Variants in ARSK observed in about 807,000 individuals in gnomAD.
ARSK encodes arylsulfatase K.
In ARSK, 37 loss-of-function variants were observed where a neutral mutation model predicts 53.2. The observed-to-expected ratio is 0.70, with a 90% confidence interval of 0.54 to 0.92. ARSK has a LOEUF of 0.92. Among genes scored for constraint, ARSK ranks in the 40% least tolerant of loss-of-function variants. The pLI, the probability that ARSK is intolerant of heterozygous loss-of-function variation, is 0.00. For synonymous variants in ARSK, 208 were observed against 223.2 expected, an observed-to-expected ratio of 0.93 and a Z score of 0.61; for missense variants, 613 against 643.0, an observed-to-expected ratio of 0.95 and a Z score of 0.51.
intron 3 of ARSK, among the ~76,000 whole-genome samples, chr5:95,577,464 C>T (rs138539156): frequency 1.4e-3 from 209 of 152,148 alleles, no homozygotes; most frequent in African/African-American, 3.9e-3. Context: ...GTGGAAATAC[C>T]AATTTGTTAG....
chr5:95,565,575 C>G (rs187142479), intron 1 of ARSK, among the ~76,000 whole-genome samples: 102 of 152,234 alleles, frequency 6.7e-4, no homozygotes, highest in Middle Eastern at 6.8e-3. Flanking sequence ...TCAAAGCACA[C>G]GTCATAATTT....
chr5:95,596,684 G>A (rs1328793182), intron 6 of ARSK, among the ~76,000 whole-genome samples: 1 of 152,040 alleles, frequency 6.6e-6, no homozygotes, highest in Non-Finnish European at 1.5e-5. Context: ...ATGTATAAAA[G>A]ATGGTTATTC....
At position 95,591,540 on chromosome 5, in the gene ARSK, G is replaced by A. The variant is rs767567510; in HGVS notation, c.1011G>A (p.Pro337=). 9.9e-6 allele frequency: 16 copies of A among 1,613,984 alleles called. No homozygotes were observed. Among genetic ancestry groups the A allele is most frequent in the South Asian group, 2.2e-5 (2 of 91,088 alleles). The change falls in exon 6 of 8, where the codon CCG becomes CCA. Residue 337 remains proline (P), a synonymous_variant. Coordinates refer to ENST00000380009, the MANE Select transcript of ARSK (RefSeq NM_198150.3). ...TGTACGAGGCTAGTGCACATGTTCC[G>A]CTTTTGATGATGGGACCAGGAATTA... ...MSMYEASAHV[P]LLMMGPGIKA... is the part of the protein sequence containing the mutation.
chr5:95,586,551 C>A lies in ARSK; in HGVS notation c.700-11C>A. ...TTGCTAGCATAACTAAGTTTTTTCT[C>A]CCCTTTTTAGGTGTCTCATGATGCC... On this transcript the variant is annotated splice_polypyrimidine_tract_variant and intron_variant, in intron 4 of 7. Transcript: ENST00000380009. 1.3e-6 allele frequency: 2 copies of A among 1,598,560 alleles called. No homozygotes were observed. Among genetic ancestry groups the A allele is most frequent in the Non-Finnish European group, 1.7e-6 (2 of 1,175,294 alleles).
At chr5:95,580,825 C>T in intron 3 of ARSK, 1 of 888,662 alleles carries the variant, frequency 1.1e-6, no homozygotes. Flanking sequence ...CTACTGAATA[C>T]ATCACTTTAT....
intron 3 of ARSK, among the ~76,000 whole-genome samples, chr5:95,574,026 G>A (rs753208478): frequency 6.6e-6 from 1 of 151,622 alleles, no homozygotes; most frequent in Non-Finnish European, 1.5e-5. Context: ...ATTCTGCCCA[G>A]CTTTTGGTAA....
chr5:95,563,824 G>C (rs1748679092), intron 1 of ARSK, among the ~76,000 whole-genome samples: 1 of 152,116 alleles, frequency 6.6e-6, no homozygotes, highest in South Asian at 2.1e-4. Context: ...GGGTTGTCTA[G>C]ATTCTAGGCA....
intron 3 of ARSK, among the ~76,000 whole-genome samples, chr5:95,581,807 T>C (rs1749024020): frequency 6.6e-6 from 1 of 152,184 alleles, no homozygotes; most frequent in South Asian, 2.1e-4. Flanking sequence ...CAAAACTTCC[T>C]ATTTTAGGGT....
intron 4 of ARSK, 25 bp from the exon 5 acceptor site, chr5:95,586,537 A>C: frequency 6.3e-7 from 1 of 1,586,524 alleles, no homozygotes; most frequent in South Asian, 1.2e-5. Flanking sequence ...TGCTAGCATA[A>C]CTAAGTTTTT....
intron 5 of ARSK, among the ~76,000 whole-genome samples, chr5:95,591,140 AGCCG>A (rs1481954704): frequency 6.6e-6 from 1 of 152,136 alleles, no homozygotes; most frequent in African/African-American, 2.4e-5. Context: ...CTAGAAAACA[AGCCG>A]GCATGATCTC....
intron 3 of ARSK, 118 bp from the exon 4 acceptor site, chr5:95,582,798 A>T (rs2112432649): frequency 1.0e-6 from 1 of 980,068 alleles, no homozygotes; most frequent in South Asian, 2.6e-5. Context: ...GTTATTCTGA[A>T]CATTTACAAG....
At chr5:95,588,536 T>G (rs190441560) in intron 5 of ARSK, among the ~76,000 whole-genome samples, 22 of 152,076 alleles carry the variant, frequency 1.4e-4, no homozygotes, top group Middle Eastern at 3.4e-3. Flanking sequence ...AATTTTTAAA[T>G]CTACACCGGT....
At chr5:95,572,604 C>T (rs901437455) in intron 3 of ARSK, among the ~76,000 whole-genome samples, 1 of 152,052 alleles carries the variant, frequency 6.6e-6, no homozygotes, top group Non-Finnish European at 1.5e-5. Context: ...CGGTGAAACC[C>T]CGTCTCTACT....
Position 95,565,986 on chromosome 5 carries a change from C to A in ARSK, c.127-12C>A. The A allele has an allele frequency of 6.3e-7, 1 of 1,595,340 alleles. No individual in the cohort carries two copies. Among genetic ancestry groups the A allele is most frequent in the Non-Finnish European group, 8.5e-7 (1 of 1,173,062 alleles). On this transcript the variant is annotated splice_polypyrimidine_tract_variant and intron_variant, in intron 1 of 7. Transcript: ENST00000380009. ...AATGTAATCAATGCTAATTAAATTT[C>A]TTTATTTCCAGGATGGAAGGTTAAC...
At chr5:95,592,826 C>T (rs193200438) in intron 6 of ARSK, among the ~76,000 whole-genome samples, 8 of 152,284 alleles carry the variant, frequency 5.3e-5, no homozygotes, top group Non-Finnish European at 1.0e-4. Flanking sequence ...GGATTACAGG[C>T]GTGAGCCACT....
chr5:95,559,101 A>G (rs370159154), intron 1 of ARSK, among the ~76,000 whole-genome samples: 11 of 152,228 alleles, frequency 7.2e-5, no homozygotes, highest in African/African-American at 2.7e-4. Flanking sequence ...GAGACGTGCC[A>G]TTGCACTCCA....
intron 5 of ARSK, 44 bp from the exon 6 acceptor site, chr5:95,591,357 A>G (rs751716373): frequency 2.0e-6 from 3 of 1,495,096 alleles, no homozygotes; most frequent in Non-Finnish European, 9.3e-7. Context: ...AGAATAAAAC[A>G]TGAACTGAAA....
intron 7 of ARSK, 75 bp downstream of exon 7, chr5:95,601,146 C>A: frequency 4.0e-6 from 5 of 1,260,706 alleles, no homozygotes; most frequent in Non-Finnish European, 5.7e-6. Flanking sequence ...CTCAAGATAT[C>A]CAATAATCCT....
intron 3 of ARSK, among the ~76,000 whole-genome samples, chr5:95,579,238 G>T (rs1449822023): frequency 2.0e-5 from 3 of 152,134 alleles, no homozygotes; most frequent in Non-Finnish European, 4.4e-5. Flanking sequence ...TTGTGATTCA[G>T]TGAGTCTAGG....
Sources: allele counts gnomAD v4.1 joint callset (sites outside exome capture counted in the v4.1 genomes callset), GRCh38; gene constraint gnomAD v4.1.1; transcripts MANE v1.5; gene names NCBI Gene and HGNC (gene_info 2026-07-23, HGNC 2026-07-21).